ARID4B: variants seen among roughly 807,000 people sequenced by gnomAD.
The protein encoded by ARID4B is AT-rich interactive domain-containing protein 4B.
A neutral mutation model predicts 147.5 loss-of-function variants in ARID4B; 26 were observed. The observed-to-expected ratio is 0.18, with a 90% CI of 0.13 to 0.24. The LOEUF (loss-of-function observed/expected upper bound fraction) is 0.24, where lower values mean the gene tolerates loss of function less well. Ranked by LOEUF, ARID4B falls within the 10% of genes least tolerant of loss-of-function variation. The pLI is 1.00. For synonymous variants in ARID4B, 512 were observed against 507.9 expected, an observed-to-expected ratio of 1.01 and a Z score of -0.11; for missense variants, 1,179 against 1,511.5, an observed-to-expected ratio of 0.78 and a Z score of 3.65.
chr1:235,200,839 G>C (rs1256877564), intron 17 of ARID4B, among the ~76,000 whole-genome samples: 1 of 152,102 alleles, frequency 6.6e-6, no homozygotes, highest in East Asian at 1.9e-4. Context: ...CACATATCTT[G>C]AATTTCATAA....
intron 12 of ARID4B, among the ~76,000 whole-genome samples, chr1:235,223,485 C>T (rs2103031356): frequency 6.8e-6 from 1 of 148,068 alleles, no homozygotes. Flanking sequence ...TAAATAAGCC[C>T]ATGGCCACTT....
At chr1:235,231,263 G>T (rs547942820) in intron 9 of ARID4B, 74 bp from the exon 10 acceptor site, 10 of 779,100 alleles carry the variant, frequency 1.3e-5, no homozygotes, top group South Asian at 1.9e-5. Flanking sequence ...GAATCCAGAT[G>T]ATTACATATC....
Position 235,255,699 on chromosome 1 carries a change from C to G in ARID4B, c.235G>C (p.Val79Leu). The stretch of plus-strand genomic sequence containing the variant: ...CTCGCATCTGTTAGTTTATTGATAA[C>G]AGCTTCCTGATATGCACCATCAAGA... ...KNLDGAYQEA[V>L]INKLTDASWY... The change falls in exon 5 of 24, where the codon GTT becomes CTT. Residue 79 changes from valine to leucine, a missense_variant. Coordinates refer to ENST00000264183, the MANE Select transcript of ARID4B (RefSeq NM_016374.6). The G allele has an allele frequency of 1.2e-6, 2 of 1,612,226 alleles. No homozygotes were observed. The highest frequency in any genetic ancestry group is 1.7e-6 in the Non-Finnish European group (2 of 1,179,152).
At chr1:235,309,323 C>T (rs1472688230) in intron 2 of ARID4B, among the ~76,000 whole-genome samples, 1 of 147,640 alleles carries the variant, frequency 6.8e-6, no homozygotes, top group African/African-American at 2.5e-5. Flanking sequence ...GCCCGGCAGC[C>T]GCCCCATCTG....
intron 14 of ARID4B, among the ~76,000 whole-genome samples, 200 bp downstream of exon 14, chr1:235,221,365 C>A (rs1667455748): frequency 6.6e-6 from 1 of 151,284 alleles, no homozygotes; most frequent in African/African-American, 2.4e-5. Context: ...ATGTACTTAG[C>A]CACAAAAACT....
Position 235,255,852 on chromosome 1 carries a change from T to C in ARID4B, c.184-102A>G. On this transcript the variant is annotated intron_variant, in intron 4 of 23. Transcript: ENST00000264183. ...TAACTGAGTGCATGATGGTGAAGAA[T>C]AAAATGACTATTGACTTCATTTAAA... is the stretch of plus-strand genomic sequence containing the variant. 4.2e-6 allele frequency: 3 copies of C among 721,278 alleles called. No homozygotes were observed. In the East Asian group the frequency reaches 8.8e-5, roughly 21 times the overall value. The allele number at this position is 721,278 out of a possible 1,614,324, so 44.7% of individuals were successfully genotyped here.
At chr1:235,228,943 C>A (rs762126783) in intron 11 of ARID4B, 12 of 276,986 alleles carry the variant, frequency 4.3e-5, no homozygotes, top group Non-Finnish European at 7.4e-5. Context: ...CTGCGCCCAG[C>A]CTGGTGGATA....
intron 17 of ARID4B, among the ~76,000 whole-genome samples, chr1:235,207,129 T>C (rs1187179500): frequency 6.6e-6 from 1 of 152,226 alleles, no homozygotes; most frequent in African/African-American, 2.4e-5. Flanking sequence ...GCAGATCTTA[T>C]GAAGTGTGTA....
Position 235,168,287 on chromosome 1 carries a change from C to CGAA in ARID4B, c.*237_*238insTTC, listed in dbSNP as rs987629986. 4.5e-5 allele frequency: 19 copies of CGAA among 420,406 alleles called. 1 individual carries two copies. The Admixed American group carries it at 7.3e-4, about 16-fold the overall frequency. 26.0% of individuals were successfully genotyped at this position (420,406 alleles called of 1,614,324 possible). On this transcript the variant is annotated 3_prime_UTR_variant, in exon 24 of 24. Coordinates refer to ENST00000264183, the MANE Select transcript of ARID4B (RefSeq NM_016374.6). The stretch of plus-strand genomic sequence containing the variant: ...CCATTTGCCACAGTGGAAGGCCTTC[C>CGAA]AGTTACCAGACACACAATTCCCAGA...
chr1:235,276,439 C>T (rs190851610), intron 2 of ARID4B, among the ~76,000 whole-genome samples: 2 of 152,136 alleles, frequency 1.3e-5, no homozygotes, highest in East Asian at 3.9e-4. Flanking sequence ...CTTCAACAGA[C>T]TCTTACATTT....
At position 235,181,960 on chromosome 1, in the gene ARID4B, G is replaced by A; in HGVS notation, c.2959C>T (p.Pro987Ser). ...SCSPSVELEK[P>S]PPVNVDSKPI... ...TTACTATCGACATTGACTGGAGGTG[G>A]TTTTTCTAGTTCTACACTGGGTGAA... Residue 987 changes from proline to serine, a missense_variant, in exon 20 of 24, where the codon CCA becomes TCA. By Grantham distance (74) the Pro-to-Ser change is moderately conservative. This residue lies in a region of ARID4B where 357 missense variants were observed against 427.3 expected (regional missense o/e 0.84). Transcript: ENST00000264183. 2 of 1,614,122 alleles carry A rather than the reference G, an allele frequency of 1.2e-6. No individual in the cohort carries two copies. Among genetic ancestry groups the A allele is most frequent in the Non-Finnish European group, 1.7e-6 (2 of 1,180,028 alleles).
intron 22 of ARID4B, among the ~76,000 whole-genome samples, chr1:235,173,759 AAAAAAAAAAAAAATATATATATAT>A (rs1261168452): frequency 2.0e-5 from 1 of 50,884 alleles, no homozygotes; most frequent in African/African-American, 1.1e-4. Context: ...AAAAAAAAAA[AAAAAAAAAAAAAATATATATATAT>A]ATATATATAT....
At position 235,175,585 on chromosome 1, in the gene ARID4B, A is replaced by C. The variant is rs1031693642; in HGVS notation, c.3449-186T>G. The C allele has an allele frequency of 8.6e-6, 5 of 579,900 alleles. No individual in the cohort carries two copies. The African/African-American group carries it at 9.3e-5, about 11-fold the overall frequency. The allele number at this position is 579,900 out of a possible 1,614,324, so 35.9% of individuals were successfully genotyped here. On this transcript the variant is annotated intron_variant, in intron 21 of 23. Transcript: ENST00000264183. ...AAAGCAAAAACAAAAAATTCTTCTT[A>C]CCTGAACTGCCAATAATATGTATAC...
intron 21 of ARID4B, 185 bp downstream of exon 21, chr1:235,177,614 TG>T (rs1365004491): frequency 1.4e-5 from 7 of 487,476 alleles, no homozygotes; most frequent in African/African-American, 1.2e-4. Flanking sequence ...TCCTAGTGCA[TG>T]TTTTTTTTTT....
intron 2 of ARID4B, among the ~76,000 whole-genome samples, chr1:235,286,956 G>A (rs1029812894): frequency 2.0e-5 from 3 of 152,162 alleles, no homozygotes; most frequent in African/African-American, 7.2e-5. Flanking sequence ...ACTGAATAAA[G>A]GGATTAAAAA....
At chr1:235,323,198 CAGCTA>C (rs1674971931) in intron 2 of ARID4B, among the ~76,000 whole-genome samples, 1 of 151,974 alleles carries the variant, frequency 6.6e-6, no homozygotes, top group Admixed American at 6.6e-5. Flanking sequence ...CCACCATGCC[CAGCTA>C]ATTTTTTTAT....
intron 2 of ARID4B, among the ~76,000 whole-genome samples, chr1:235,292,347 C>T (rs763512280): frequency 1.3e-5 from 2 of 152,174 alleles, no homozygotes; most frequent in African/African-American, 2.4e-5. Context: ...GGTGCAGTGG[C>T]TCACGCCTGT....
chr1:235,240,274 A>G, intron 8 of ARID4B, 39 bp downstream of exon 8: 1 of 1,545,736 alleles, frequency 6.5e-7, no homozygotes, highest in Non-Finnish European at 8.7e-7. Flanking sequence ...TAAACTTATA[A>G]AGTTTGAAAT....
intron 2 of ARID4B, among the ~76,000 whole-genome samples, chr1:235,323,602 T>G (rs1346216742): frequency 6.6e-6 from 1 of 151,960 alleles, no homozygotes; most frequent in Non-Finnish European, 1.5e-5. Context: ...CTGACCAATA[T>G]GGAGAAACCT....
Sources: allele counts gnomAD v4.1 joint callset (sites outside exome capture counted in the v4.1 genomes callset), GRCh38; gene constraint gnomAD v4.1.1; regional missense constraint gnomAD v4.1.1; transcripts MANE v1.5; gene names NCBI Gene and HGNC (gene_info 2026-07-23, HGNC 2026-07-21).